Variants in GALNT13 observed in about 807,000 individuals in gnomAD.
GALNT13 encodes the protein polypeptide N-acetylgalactosaminyltransferase 13.
Under a neutral mutation model 64.2 loss-of-function variants are expected in GALNT13, and 28 were observed. The observed-to-expected ratio is 0.44, with a 90% confidence interval of 0.32 to 0.60. The LOEUF (loss-of-function observed/expected upper bound fraction) is 0.60. Among genes scored for constraint, GALNT13 ranks in the 20% least tolerant of loss-of-function variants. The pLI, the probability that GALNT13 is intolerant of heterozygous loss-of-function variation, is 0.05. For synonymous variants in GALNT13, 214 were observed against 224.6 expected, an observed-to-expected ratio of 0.95 and a Z score of 0.42; for missense variants, 577 against 669.8, an observed-to-expected ratio of 0.86 and a Z score of 1.53.
chr2:153,810,435 GTTA>G, the GALNT13 span, among the ~76,000 whole-genome samples: 2 of 152,086 alleles, frequency 1.3e-5, no homozygotes, highest in African/African-American at 4.8e-5. Flanking sequence ...TCTAATTAAA[GTTA>G]TTATAATTAT....
chr2:154,435,584 C>T (rs1362403974), intron 11 of GALNT13, among the ~76,000 whole-genome samples: 1 of 152,158 alleles, frequency 6.6e-6, no homozygotes, highest in Non-Finnish European at 1.5e-5. Flanking sequence ...TTATCAGAAA[C>T]ATCTGTCATC....
chr2:154,291,425 C>T (rs1251114195), intron 8 of GALNT13, among the ~76,000 whole-genome samples: 1 of 152,198 alleles, frequency 6.6e-6, no homozygotes, highest in Non-Finnish European at 1.5e-5. Context: ...AATCCTTTAG[C>T]TAGACAGAAA....
At chr2:153,504,898 G>A in the GALNT13 span, among the ~76,000 whole-genome samples, 2 of 152,152 alleles carry the variant, frequency 1.3e-5, no homozygotes, top group African/African-American at 2.4e-5. Context: ...CGGCTTCATA[G>A]AATGGTTTAG....
chr2:153,200,869 T>C, the GALNT13 span, among the ~76,000 whole-genome samples: 1 of 152,044 alleles, frequency 6.6e-6, no homozygotes, highest in Non-Finnish European at 1.5e-5. Context: ...AGGCTAGGGT[T>C]TTGTTTCTCC....
chr2:153,992,385 A>G (rs1174092310), intron 3 of GALNT13, among the ~76,000 whole-genome samples: 1 of 152,200 alleles, frequency 6.6e-6, no homozygotes, highest in Non-Finnish European at 1.5e-5. Context: ...AAAATAAAAT[A>G]AAAGTGAATG....
chr2:154,411,315 CAT>C (rs1229140611), intron 11 of GALNT13, among the ~76,000 whole-genome samples: 8 of 78,758 alleles, frequency 1.0e-4, no homozygotes, highest in African/African-American at 3.7e-4. Flanking sequence ...CTTAATTGCA[CAT>C]ACACACACAC....
chr2:154,374,309 G>A lies in GALNT13; in HGVS notation c.1157-21682G>A, dbSNP rs527284646. On this transcript the variant is annotated intron_variant, in intron 9 of 12. Coordinates refer to ENST00000392825, the MANE Select transcript of GALNT13 (RefSeq NM_052917.4). ...TACTTATTAATCTGGAGAAGTTGTG[G>A]TAGTTGTTGTTTTTCAAATCTTAAT... Among the ~76,000 whole-genome samples, 44 of 152,266 alleles carry A rather than the reference G, an allele frequency of 2.9e-4. No individual in the cohort carries two copies. The South Asian group carries it at 7.9e-3, about 27-fold the overall frequency.
At chr2:153,922,905 T>A in intron 2 of GALNT13, among the ~76,000 whole-genome samples, 1 of 152,134 alleles carries the variant, frequency 6.6e-6, no homozygotes, top group Middle Eastern at 3.4e-3. Context: ...AATTTTTAAA[T>A]TTTTTATTTT....
chr2:153,244,080 T>C, the GALNT13 span, among the ~76,000 whole-genome samples: 1 of 151,748 alleles, frequency 6.6e-6, no homozygotes, highest in Non-Finnish European at 1.5e-5. Flanking sequence ...TGAAAGATTT[T>C]TGTTTGTTTT....
chr2:153,242,827 G>A, the GALNT13 span, among the ~76,000 whole-genome samples: 3 of 152,206 alleles, frequency 2.0e-5, no homozygotes, highest in African/African-American at 4.8e-5. Flanking sequence ...AACAGAGGGG[G>A]CACCACAGAC....
intron 3 of GALNT13, among the ~76,000 whole-genome samples, chr2:154,006,472 T>C (rs1574313824): frequency 6.6e-6 from 1 of 152,200 alleles, no homozygotes; most frequent in Admixed American, 6.5e-5. Context: ...TTTTTATTGA[T>C]GTACTAAATC....
intron 9 of GALNT13, among the ~76,000 whole-genome samples, chr2:154,369,435 A>T (rs2105306657): frequency 6.6e-6 from 1 of 152,304 alleles, no homozygotes; most frequent in African/African-American, 2.4e-5. Flanking sequence ...AGCTCTCAGG[A>T]AAGGAAAATC....
rs140068943 is a variant in GALNT13 at position 154,380,945 on chromosome 2, A to G, written c.1157-15046A>G. On this transcript the variant is annotated intron_variant, in intron 9 of 12. Transcript: ENST00000392825. ...AGCATTTTCTTATGTGGCCCTCTCC[A>G]TAAGGCAGCCTACAACATGGCAGTT... is the stretch of plus-strand genomic sequence containing the variant. Among the ~76,000 whole-genome samples the G allele has an allele frequency of 4.1e-4, 62 of 152,144 alleles. No individual in the cohort carries two copies. In the East Asian group the frequency reaches 7.2e-3, roughly 18 times the overall value.
chr2:153,482,212 G>A, the GALNT13 span, among the ~76,000 whole-genome samples: 1 of 152,088 alleles, frequency 6.6e-6, no homozygotes, highest in Non-Finnish European at 1.5e-5. Flanking sequence ...TTAATGACAG[G>A]ATATCAGTAT....
the GALNT13 span, among the ~76,000 whole-genome samples, chr2:153,711,148 C>T: frequency 6.6e-6 from 1 of 152,032 alleles, no homozygotes; most frequent in African/African-American, 2.4e-5. Flanking sequence ...ACTACTAAAG[C>T]CAAGTTTTTG....
chr2:153,421,850 G>T, the GALNT13 span: 1 of 187,236 alleles, frequency 5.3e-6, no homozygotes, highest in East Asian at 1.4e-4. Flanking sequence ...CTTGTCACTT[G>T]GCATTGGGCT....
the GALNT13 span, among the ~76,000 whole-genome samples, chr2:153,505,967 G>A: frequency 6.6e-6 from 1 of 152,078 alleles, no homozygotes; most frequent in African/African-American, 2.4e-5. Flanking sequence ...CACTATTATT[G>A]TGTTGGCATT....
the GALNT13 span, among the ~76,000 whole-genome samples, chr2:153,717,961 G>T: frequency 1.4e-5 from 2 of 147,208 alleles, no homozygotes; most frequent in East Asian, 2.0e-4. Context: ...CTAAAAATTA[G>T]TTTTTTTTTT....
intron 9 of GALNT13, among the ~76,000 whole-genome samples, chr2:154,348,743 C>T (rs1341985669): frequency 6.6e-6 from 1 of 151,632 alleles, no homozygotes; most frequent in Non-Finnish European, 1.5e-5. Context: ...TTCACAAAGC[C>T]CTCTTTGTCA....
Sources: allele counts gnomAD v4.1 joint callset (sites outside exome capture counted in the v4.1 genomes callset), GRCh38; gene constraint gnomAD v4.1.1; transcripts MANE v1.5; gene names NCBI Gene and HGNC (gene_info 2026-07-23, HGNC 2026-07-21).